MDGA2: variants seen among roughly 807,000 people sequenced by gnomAD.
MDGA2 encodes MAM domain containing glycosylphosphatidylinositol anchor 2.
MDGA2 carries 40 observed loss-of-function variants against 117.8 expected under a neutral mutation model. The observed-to-expected ratio is 0.34, with a 90% CI of 0.26 to 0.44. The LOEUF (loss-of-function observed/expected upper bound fraction) is 0.44, where lower values mean the gene tolerates loss of function less well. Ranked by LOEUF, MDGA2 falls within the 20% of genes least tolerant of loss-of-function variation. The probability of loss-of-function intolerance (pLI) is 1.00; values close to 1 mark genes in which losing one functional copy is unlikely to be tolerated. For missense variants in MDGA2, 1,123 were observed against 1,250.6 expected (o/e 0.90, Z 1.54); for synonymous variants, 452 against 439.0 (o/e 1.03, Z -0.37).
chr14:46,919,930 T>C (rs1884059753), intron 10 of MDGA2, 82 bp downstream of exon 10: 26 of 1,288,822 alleles, frequency 2.0e-5, no homozygotes, highest in Non-Finnish European at 2.6e-5. Flanking sequence ...TTGGAATTCA[T>C]GCAAAACTCT....
At chr14:47,374,389 T>C (rs1305371814) in intron 1 of MDGA2, among the ~76,000 whole-genome samples, 1 of 152,122 alleles carries the variant, frequency 6.6e-6, no homozygotes, top group Admixed American at 6.6e-5. Flanking sequence ...GGTTATTCAC[T>C]CTGTTCTATA....
intron 1 of MDGA2, among the ~76,000 whole-genome samples, chr14:47,671,556 T>C (rs558838666): frequency 2.6e-5 from 4 of 152,304 alleles, no homozygotes; most frequent in African/African-American, 7.2e-5. Flanking sequence ...TAGAAAATCA[T>C]TTGTGTTTCC....
chr14:47,579,522 C>G (rs1479230889), intron 1 of MDGA2, among the ~76,000 whole-genome samples: 1 of 151,754 alleles, frequency 6.6e-6, no homozygotes, highest in Admixed American at 6.6e-5. Flanking sequence ...AAGAAATAAT[C>G]CCTAGGAATG....
At chr14:47,045,310 G>A (rs1889217292) in intron 7 of MDGA2, among the ~76,000 whole-genome samples, 1 of 151,884 alleles carries the variant, frequency 6.6e-6, no homozygotes, top group African/African-American at 2.4e-5. Context: ...ATATAATTTG[G>A]TTTTCTAACT....
chr14:47,609,820 C>T (rs569529904), intron 1 of MDGA2, among the ~76,000 whole-genome samples: 17 of 151,964 alleles, frequency 1.1e-4, no homozygotes, highest in African/African-American at 3.1e-4. Flanking sequence ...CCTATTGACA[C>T]TATTCCACAA....
At chr14:47,472,230 T>C (rs989839378) in intron 1 of MDGA2, among the ~76,000 whole-genome samples, 3 of 152,164 alleles carry the variant, frequency 2.0e-5, no homozygotes, top group Non-Finnish European at 2.9e-5. Context: ...TATACAGTCA[T>C]GTGTTGATTA....
chr14:47,040,338 C>T (rs985882892), intron 7 of MDGA2, among the ~76,000 whole-genome samples: 1 of 97,064 alleles, frequency 1.0e-5, no homozygotes, highest in Admixed American at 1.3e-4. Flanking sequence ...ATTTTATTTT[C>T]TTTATTTCCC....
intron 1 of MDGA2, among the ~76,000 whole-genome samples, chr14:47,324,633 T>A (rs1890087447): frequency 6.6e-6 from 1 of 151,862 alleles, no homozygotes. Flanking sequence ...AATGCAAAGA[T>A]CACAAATTCA....
intron 1 of MDGA2, among the ~76,000 whole-genome samples, chr14:47,310,931 G>C (rs2139841585): frequency 6.6e-6 from 1 of 152,152 alleles, no homozygotes; most frequent in South Asian, 2.1e-4. Flanking sequence ...TCTTTGATCA[G>C]GTCTTTCCCT....
At chr14:47,062,674 G>C (rs1889933739) in intron 6 of MDGA2, among the ~76,000 whole-genome samples, 2 of 151,890 alleles carry the variant, frequency 1.3e-5, no homozygotes, top group South Asian at 4.1e-4. Flanking sequence ...CATGAATTTA[G>C]AGGACCTACA....
chr14:47,629,839 C>T (rs1000912135), intron 1 of MDGA2, among the ~76,000 whole-genome samples: 8 of 152,110 alleles, frequency 5.3e-5, no homozygotes, highest in Non-Finnish European at 7.4e-5. Flanking sequence ...GGCACTTGGG[C>T]TTCTCAAACA....
chr14:47,486,267 T>G (rs1894059128), intron 1 of MDGA2, among the ~76,000 whole-genome samples: 1 of 152,230 alleles, frequency 6.6e-6, no homozygotes. Flanking sequence ...TAGATTAGAC[T>G]GCCCTGCTGG....
intron 2 of MDGA2, among the ~76,000 whole-genome samples, chr14:47,282,696 C>CA (rs572508750): frequency 0.018 from 2,216 of 120,314 alleles, 22 homozygotes; most frequent in African/African-American, 0.034. Flanking sequence ...GAATGTGTCT[C>CA]AAAAAAAAAA....
intron 1 of MDGA2, among the ~76,000 whole-genome samples, chr14:47,312,499 T>A (rs1444815020): frequency 1.3e-5 from 2 of 152,108 alleles, no homozygotes; most frequent in East Asian, 3.9e-4. Flanking sequence ...AGTTTGTTAA[T>A]AAAATAAACA....
At chr14:47,564,626 T>A (rs1185838603) in intron 1 of MDGA2, among the ~76,000 whole-genome samples, 1 of 152,140 alleles carries the variant, frequency 6.6e-6, no homozygotes, top group African/African-American at 2.4e-5. Context: ...AAGATCAGAT[T>A]TGGGTGGGGA....
intron 10 of MDGA2, among the ~76,000 whole-genome samples, chr14:46,899,611 A>C (rs1883209054): frequency 6.6e-6 from 1 of 152,086 alleles, no homozygotes; most frequent in Non-Finnish European, 1.5e-5. Context: ...TAGAAAAAAA[A>C]AACCTAGACC....
chr14:47,068,989 A>G (rs190032547), intron 6 of MDGA2, among the ~76,000 whole-genome samples: 1 of 152,240 alleles, frequency 6.6e-6, no homozygotes, highest in Admixed American at 6.5e-5. Flanking sequence ...CCAGTTGGCC[A>G]CTTCTTTTGA....
chr14:47,249,210 G>A (rs1018462973), intron 2 of MDGA2, among the ~76,000 whole-genome samples: 15 of 151,432 alleles, frequency 9.9e-5, no homozygotes, highest in Non-Finnish European at 1.9e-4. Flanking sequence ...GTAGAGACGG[G>A]ATTTCACCAT....
intron 2 of MDGA2, among the ~76,000 whole-genome samples, chr14:47,247,130 T>C (rs1381180779): frequency 6.6e-6 from 1 of 151,792 alleles, no homozygotes; most frequent in Non-Finnish European, 1.5e-5. Flanking sequence ...AGGACCATTT[T>C]GGCCACAAGG....
Sources: gnomAD v4.1 joint callset for allele counts (sites outside exome capture counted in the v4.1 genomes callset) on GRCh38, gnomAD v4.1.1 for gene constraint, MANE v1.5 for transcripts, NCBI Gene and HGNC (gene_info 2026-07-23, HGNC 2026-07-21) for gene names.